The following MYCBP2 variants were observed in gnomAD, a reference collection of about 807,000 sequenced individuals.
MYCBP2 encodes the protein MYC binding protein 2, also known as E3 ubiquitin-protein ligase MYCBP2.
MYCBP2 carries 120 observed loss-of-function variants against 525.3 expected under a neutral mutation model. The observed-to-expected ratio is 0.23, with a 90% CI of 0.20 to 0.27. The LOEUF is 0.27. Among genes scored for constraint, MYCBP2 ranks in the 10% least tolerant of loss-of-function variants. MYCBP2 has a pLI of 1.00. For synonymous variants in MYCBP2, 1,894 were observed against 1,955.8 expected (o/e 0.97, Z 0.83); for missense variants, 4,149 against 5,657.1 (o/e 0.73, Z 8.55).
intron 55 of MYCBP2, among the ~76,000 whole-genome samples, chr13:77,118,777 T>C (rs1216201606): frequency 1.3e-5 from 2 of 152,046 alleles, no homozygotes; most frequent in Non-Finnish European, 2.9e-5. Flanking sequence ...TCATTATGTA[T>C]GGGAGAACGA....
intron 8 of MYCBP2, among the ~76,000 whole-genome samples, chr13:77,265,353 G>A (rs1438454819): frequency 6.6e-6 from 1 of 152,020 alleles, no homozygotes; most frequent in Non-Finnish European, 1.5e-5. Context: ...TCAGATAAAC[G>A]CAGGGGTGAG....
intron 1 of MYCBP2, among the ~76,000 whole-genome samples, chr13:77,304,528 G>A (rs377717882): frequency 5.3e-4 from 81 of 152,088 alleles, no homozygotes; most frequent in African/African-American, 1.7e-3. Context: ...AAGTTTGAGT[G>A]TTATATAGCA....
intron 17 of MYCBP2, among the ~76,000 whole-genome samples, chr13:77,236,471 C>A (rs566448738): frequency 2.6e-5 from 4 of 152,160 alleles, no homozygotes; most frequent in South Asian, 2.1e-4. Context: ...CTAGTAACTG[C>A]ACCCTAGGAA....
At chr13:77,201,807 G>C (rs1465640928) in intron 26 of MYCBP2, among the ~76,000 whole-genome samples, 1 of 152,170 alleles carries the variant, frequency 6.6e-6, no homozygotes, top group Non-Finnish European at 1.5e-5. Context: ...GGTACACAAT[G>C]AAATGAAGGC....
chr13:77,176,261 T>C (rs568641875), intron 36 of MYCBP2, among the ~76,000 whole-genome samples: 1 of 152,250 alleles, frequency 6.6e-6, no homozygotes, highest in Admixed American at 6.5e-5. Context: ...AAGCTAAGTC[T>C]GTTTGACTAC....
rs73541756 is a variant in MYCBP2, at chr13:77,082,003, C to A, written c.11037-10G>T. On this transcript the variant is annotated splice_polypyrimidine_tract_variant and intron_variant, in intron 63 of 82. Transcript: ENST00000544440. Reference sequence around the variant, plus strand: ...TTTGAGACTCCAGCACCTAAAAAGGCGATATATAAGCAATATACGAAATAA... The same window carrying A: ...TTTGAGACTCCAGCACCTAAAAAGGAGATATATAAGCAATATACGAAATAA... 17 of 1,611,454 alleles carry A rather than the reference C, an allele frequency of 1.1e-5. No homozygotes were observed. Among genetic ancestry groups the A allele is most frequent in the Non-Finnish European group, 2.5e-6 (3 of 1,178,776 alleles).
intron 69 of MYCBP2, 109 bp downstream of exon 69, chr13:77,070,522 T>C (rs1007405199): frequency 6.0e-6 from 4 of 668,658 alleles, no homozygotes; most frequent in South Asian, 3.0e-5. Flanking sequence ...AGCCAAAAGA[T>C]TGGACATCCC....
At chr13:77,211,838 T>C in intron 22 of MYCBP2, 118 bp downstream of exon 22, 5 of 786,870 alleles carry the variant, frequency 6.4e-6, no homozygotes, top group Non-Finnish European at 1.0e-5. Context: ...TTAAATTTCT[T>C]TGAGCAGAAA....
At chr13:77,243,671 A>T in intron 16 of MYCBP2, 135 bp downstream of exon 16, 1 of 691,202 alleles carries the variant, frequency 1.4e-6, no homozygotes, top group Non-Finnish European at 2.2e-6. Flanking sequence ...ATTGTCAGTT[A>T]CCGTAAAAGC....
chr13:77,206,917 A>C (rs887198295), intron 23 of MYCBP2, 92 bp from the exon 24 acceptor site: 3 of 1,135,570 alleles, frequency 2.6e-6, no homozygotes, highest in Admixed American at 6.5e-5. Context: ...AAGAGAATAA[A>C]TAATATAGTC....
In MYCBP2 at chr13:77,245,995, C is replaced by T. The variant is rs141746740; in HGVS notation, c.2382-2044G>A. On this transcript the variant is annotated intron_variant, in intron 15 of 82. Coordinates refer to ENST00000544440, the MANE Select transcript of MYCBP2 (RefSeq NM_015057.5). Reference sequence around the variant, plus strand: ...TTTTTCTCCTTCAGCCCTTTCATATCGATTGTGAACCATATGGGGTATATG... The same window carrying T: ...TTTTTCTCCTTCAGCCCTTTCATATTGATTGTGAACCATATGGGGTATATG... 1.1e-3 allele frequency among the ~76,000 whole-genome samples: 160 copies of T among 152,110 alleles called. 1 individual carries two copies. The highest frequency in any genetic ancestry group is 3.4e-3 in the Middle Eastern group (1 of 294).
chr13:77,225,715 A>G (rs1391503380), intron 18 of MYCBP2, among the ~76,000 whole-genome samples, 161 bp from the exon 19 acceptor site: 1 of 152,230 alleles, frequency 6.6e-6, no homozygotes, highest in Non-Finnish European at 1.5e-5. Context: ...ATCTACCTGC[A>G]AAGAAGGAAT....
intron 15 of MYCBP2, among the ~76,000 whole-genome samples, chr13:77,246,774 T>C (rs757874129): frequency 5.9e-5 from 9 of 151,876 alleles, no homozygotes; most frequent in Non-Finnish European, 8.8e-5. Flanking sequence ...TTAAAAGAAT[T>C]ATACACCATA....
intron 41 of MYCBP2, 75 bp from the exon 42 acceptor site, chr13:77,165,466 A>C (rs2058422317): frequency 9.4e-7 from 1 of 1,065,628 alleles, no homozygotes. Flanking sequence ...TATCCAATGG[A>C]CTTTCTCTTT....
At chr13:77,079,525 A>T (rs1455192205) in intron 65 of MYCBP2, among the ~76,000 whole-genome samples, 1 of 152,198 alleles carries the variant, frequency 6.6e-6, no homozygotes, top group Non-Finnish European at 1.5e-5. Flanking sequence ...GCTGCATAAT[A>T]TGAGTGCTGT....
intron 55 of MYCBP2, among the ~76,000 whole-genome samples, chr13:77,110,614 C>T (rs2048658142): frequency 6.6e-6 from 1 of 152,106 alleles, no homozygotes; most frequent in African/African-American, 2.4e-5. Context: ...TTGATAAAAA[C>T]CTGCTTAATA....
At chr13:77,286,550 G>A (rs1321186530) in intron 3 of MYCBP2, among the ~76,000 whole-genome samples, 7 of 150,252 alleles carry the variant, frequency 4.7e-5, no homozygotes, top group Admixed American at 2.0e-4. Flanking sequence ...TCAGGAGATC[G>A]AGACCATCCC....
chr13:77,269,974 T>C lies in MYCBP2; in HGVS notation c.1260+18A>G. The C allele has an allele frequency of 6.3e-7, 1 of 1,594,194 alleles. No homozygotes were observed. The highest frequency in any genetic ancestry group is 2.2e-5 in the East Asian group (1 of 44,650). The stretch of plus-strand genomic sequence containing the variant: ...TAAAAGATAAGAAAATTTTGGTTTA[T>C]TGTGGATAGTTTCTTACCTGAGCAT... On this transcript the variant is annotated intron_variant, in intron 7 of 82. Transcript: ENST00000544440.
rs372615358 is a variant in MYCBP2, at chr13:77,238,533, C to A, written c.2629+4526G>T. Reference sequence around the variant, plus strand: ...TCACTGAATAAGCACTTCACTTGCACAGTTAAATTAATACATCAATCAACC... The same window carrying A: ...TCACTGAATAAGCACTTCACTTGCAAAGTTAAATTAATACATCAATCAACC... On this transcript the variant is annotated intron_variant, in intron 17 of 82. Coordinates refer to ENST00000544440, the MANE Select transcript of MYCBP2 (RefSeq NM_015057.5). 2.3e-4 allele frequency among the ~76,000 whole-genome samples: 35 copies of A among 152,202 alleles called. 1 individual carries two copies. The South Asian group carries it at 7.3e-3, about 32-fold the overall frequency.
Sources: allele counts gnomAD v4.1 joint callset (sites outside exome capture counted in the v4.1 genomes callset), GRCh38; gene constraint gnomAD v4.1.1; transcripts MANE v1.5; gene names NCBI Gene and HGNC (gene_info 2026-07-23, HGNC 2026-07-21).